PNLDC1: variants seen among roughly 807,000 people sequenced by gnomAD.
PNLDC1 encodes poly(A)-specific ribonuclease PNLDC1.
Under a neutral mutation model 82.0 loss-of-function variants are expected in PNLDC1, and 70 were observed. That is an observed-to-expected ratio of 0.85 (90% CI 0.70 to 1.04). The LOEUF is 1.04. PNLDC1 is among the 50% of genes least tolerant of loss of function. The probability of loss-of-function intolerance (pLI) is 0.00; values close to 1 mark genes in which losing one functional copy is unlikely to be tolerated. For synonymous variants in PNLDC1, 280 were observed against 249.3 expected (o/e 1.12, Z -1.16); for missense variants, 631 against 661.1 (o/e 0.95, Z 0.50).
intron 4 of PNLDC1, among the ~76,000 whole-genome samples, chr6:159,803,640 A>G (rs1022745889): frequency 1.3e-5 from 2 of 152,238 alleles, no homozygotes; most frequent in Non-Finnish European, 2.9e-5. Context: ...CTGACACAGT[A>G]GGCAGAAAGG....
intron 15 of PNLDC1, among the ~76,000 whole-genome samples, chr6:159,817,875 T>G (rs150497897): frequency 6.6e-6 from 1 of 152,250 alleles, no homozygotes; most frequent in Admixed American, 6.5e-5. Flanking sequence ...GTGGATGTTA[T>G]AAATACAAAA....
At chr6:159,807,651 C>T (rs915453798) in intron 7 of PNLDC1, among the ~76,000 whole-genome samples, 1 of 152,198 alleles carries the variant, frequency 6.6e-6, no homozygotes, top group Non-Finnish European at 1.5e-5. Flanking sequence ...TTCCAGATTA[C>T]TAGCACATAA....
upstream of PNLDC1, chr6:159,800,230 G>C (rs1196257412): frequency 7.1e-7 from 1 of 1,407,100 alleles, no homozygotes; most frequent in Admixed American, 2.2e-5. Flanking sequence ...TTTAAGACCC[G>C]GCGGCGCGAC....
Position 159,800,758 on chromosome 6 carries a change from T to A in PNLDC1, c.77-14T>A. On this transcript the variant is annotated splice_polypyrimidine_tract_variant and intron_variant, in intron 1 of 18. Coordinates refer to ENST00000392167, the MANE Select transcript of PNLDC1 (RefSeq NM_001271862.2). The stretch of plus-strand genomic sequence containing the variant: ...TCTGCACCCGAGGACTGCTATTTTT[T>A]GCCTTCCTGGCAGGTCTGGACATAG... 1 of 1,614,216 alleles carries A rather than the reference T, an allele frequency of 6.2e-7. No individual in the cohort carries two copies. Among genetic ancestry groups the A allele is most frequent in the Non-Finnish European group, 8.5e-7 (1 of 1,180,038 alleles).
chr6:159,802,634 G>A (rs1289479868), intron 3 of PNLDC1, among the ~76,000 whole-genome samples: 1 of 152,218 alleles, frequency 6.6e-6, no homozygotes, highest in Non-Finnish European at 1.5e-5. Context: ...AGGCTGGAGT[G>A]CAGGGGCACG....
At chr6:159,809,211 G>A in intron 9 of PNLDC1, 53 bp downstream of exon 9, 1 of 1,584,016 alleles carries the variant, frequency 6.3e-7, no homozygotes, top group Non-Finnish European at 8.6e-7. Context: ...AGTATTTCTG[G>A]TCATAGATAC....
chr6:159,800,445 G>A (rs1451939918), intron 1 of PNLDC1, 62 bp downstream of exon 1: 1 of 1,506,404 alleles, frequency 6.6e-7, no homozygotes, highest in Non-Finnish European at 9.0e-7. Flanking sequence ...CGAGCTTGAG[G>A]AGGGGGTGGC....
Position 159,817,155 on chromosome 6 carries a change from A to G in PNLDC1, c.1157+4A>G. 6.2e-7 allele frequency: 1 copy of G among 1,610,972 alleles called. No homozygotes were observed. The highest frequency in any genetic ancestry group is 8.5e-7 in the Non-Finnish European group (1 of 1,177,424). On this transcript the variant is annotated splice_donor_region_variant and intron_variant, in intron 15 of 18. Transcript: ENST00000392167. ...TGCTTCTACAGAAGATATACCAGTA[A>G]GTGTTCTTTCTTTTCATCCTACTGT...
In PNLDC1 at chr6:159,819,605, C is replaced by T. The variant is rs558425285; in HGVS notation, c.1532+253C>T. On this transcript the variant is annotated intron_variant, in intron 18 of 18. Transcript: ENST00000392167. This position sits in a 1 kb window ranked among gnomAD's most constrained non-coding sequence, Gnocchi z 4.6. ...AGAAAATCCCTGCTCTCGTGGAGCT[C>T]ACGTGCTGGGGGAGACAAACAGGAT... is the stretch of plus-strand genomic sequence containing the variant. Among the ~76,000 whole-genome samples, 70 of 152,324 alleles carry T rather than the reference C, an allele frequency of 4.6e-4. No individual in the cohort carries two copies. Among genetic ancestry groups the T allele is most frequent in the Admixed American group, 1.2e-3 (19 of 15,308 alleles).
Position 159,806,030 on chromosome 6 carries a change from G to C in PNLDC1, c.509G>C (p.Arg170Pro). Residue 170 changes from arginine to proline, a missense_variant, in exon 7 of 19, where the codon CGG (arginine) becomes CCG (proline). Physicochemically the swap from Arg to Pro is moderately radical, Grantham distance 103. Coordinates refer to ENST00000392167, the MANE Select transcript of PNLDC1 (RefSeq NM_001271862.2). ...QIKVVIDEVT[R>P]WLELAKEGDW... ...AAGGTGGTGATTGACGAAGTGACGCGGTGGCTGGAGCTGGCCAAGGAAGGC... is the reference window on the plus strand; with the variant it reads ...AAGGTGGTGATTGACGAAGTGACGCCGTGGCTGGAGCTGGCCAAGGAAGGC... 3.1e-6 allele frequency: 5 copies of C among 1,614,128 alleles called. No individual in the cohort carries two copies. The highest frequency in any genetic ancestry group is 3.4e-6 in the Non-Finnish European group (4 of 1,180,028).
rs1781861094 is a variant in PNLDC1 at position 159,817,111 on chromosome 6, C to A, written c.1117C>A (p.Leu373Ile). Residue 373 changes from leucine to isoleucine, a missense_variant and splice_region_variant, in exon 15 of 19, where the codon CTT becomes ATT. Coordinates refer to ENST00000392167, the MANE Select transcript of PNLDC1 (RefSeq NM_001271862.2). ...TTTCTGTCTTTTTTCCTTCCTAGTT[C>A]TTTTGAAAGTGGCACACTTGCTTCT... ...AYDAFLCGSV[L>I]LKVAHLLLQK... The A allele has an allele frequency of 1.2e-6, 2 of 1,611,792 alleles. No homozygotes were observed. Among genetic ancestry groups the A allele is most frequent in the African/African-American group, 2.7e-5 (2 of 74,884 alleles).
chr6:159,800,479 C>T, intron 1 of PNLDC1, 96 bp downstream of exon 1: 4 of 1,412,370 alleles, frequency 2.8e-6, no homozygotes, highest in Non-Finnish European at 3.8e-6. Context: ...GGCCACAGGG[C>T]CTCAGAGAGG....
At chr6:159,816,062 C>G (rs1292489387) in intron 13 of PNLDC1, 29 bp downstream of exon 13, 1 of 1,599,276 alleles carries the variant, frequency 6.3e-7, no homozygotes, top group Admixed American at 1.7e-5. Context: ...ATAATCCTTG[C>G]ACAGTCGGCA....
Position 159,808,834 on chromosome 6 carries a change from AC to A in PNLDC1, c.639+19del, listed in dbSNP as rs760130138. 13 of 1,613,102 alleles carry A rather than the reference AC, an allele frequency of 8.1e-6. No homozygotes were observed. The highest frequency in any genetic ancestry group is 1.1e-5 in the Non-Finnish European group (13 of 1,179,270). ...ATGAGGGGGTGAGTTCTCACTGCGA[AC>A]GGGGCATCAGTGGCTCCATTGTTTC... is the stretch of plus-strand genomic sequence containing the variant. On this transcript the variant is annotated intron_variant, in intron 8 of 18. Transcript: ENST00000392167.
At chr6:159,807,499 G>A (rs1273955903) in intron 7 of PNLDC1, among the ~76,000 whole-genome samples, 2 of 152,144 alleles carry the variant, frequency 1.3e-5, no homozygotes, top group Non-Finnish European at 2.9e-5. Context: ...ATTTACATGT[G>A]CCACCGTAAG....
chr6:159,815,584 A>T (rs1311723032), intron 12 of PNLDC1, among the ~76,000 whole-genome samples: 1 of 152,172 alleles, frequency 6.6e-6, no homozygotes, highest in Non-Finnish European at 1.5e-5. Flanking sequence ...TGCCTCCAGA[A>T]GCCTGCAGGG....
At chr6:159,802,305 A>T (rs1476238432) in intron 3 of PNLDC1, among the ~76,000 whole-genome samples, 1 of 151,516 alleles carries the variant, frequency 6.6e-6, no homozygotes, top group Non-Finnish European at 1.5e-5. Context: ...CTCCCGCACC[A>T]TTGGGTTTTT....
chr6:159,811,329 AT>A (rs1232729456), intron 10 of PNLDC1, among the ~76,000 whole-genome samples: 4 of 151,700 alleles, frequency 2.6e-5, no homozygotes, highest in Admixed American at 6.6e-5. Flanking sequence ...ATAATTTTTG[AT>A]TTTTTTTCTT....
At chr6:159,802,345 T>G (rs1272483148) in intron 3 of PNLDC1, among the ~76,000 whole-genome samples, 1 of 151,454 alleles carries the variant, frequency 6.6e-6, no homozygotes, top group Admixed American at 6.6e-5. Context: ...GCTCAAACTT[T>G]TGGGCTCTGG....
Sources: allele counts gnomAD v4.1 joint callset (sites outside exome capture counted in the v4.1 genomes callset), GRCh38; gene constraint gnomAD v4.1.1; non-coding constraint Gnocchi (gnomAD v3.1); transcripts MANE v1.5; gene names NCBI Gene and HGNC (gene_info 2026-07-23, HGNC 2026-07-21).